Variants in TOX observed in about 807,000 individuals in gnomAD.
TOX encodes the protein thymocyte selection associated high mobility group box, also known as thymocyte selection-associated high mobility group box protein TOX.
A neutral mutation model predicts 53.7 loss-of-function variants in TOX; 11 were observed. That is an observed-to-expected ratio of 0.20 (90% CI 0.13 to 0.34). TOX has a LOEUF of 0.34. Among genes scored for constraint, TOX ranks in the 10% least tolerant of loss-of-function variants. The probability of loss-of-function intolerance (pLI) is 1.00; values close to 1 mark genes in which losing one functional copy is unlikely to be tolerated. For missense variants in TOX, 570 were observed against 664.6 expected (o/e 0.86, Z 1.56); for synonymous variants, 225 against 245.3 (o/e 0.92, Z 0.77).
chr8:58,837,418 C>T (rs1047881762), intron 5 of TOX, among the ~76,000 whole-genome samples: 1 of 152,184 alleles, frequency 6.6e-6, no homozygotes, highest in African/African-American at 2.4e-5. Flanking sequence ...TCTCACTGAA[C>T]CCTCACTCTG....
intron 6 of TOX, among the ~76,000 whole-genome samples, chr8:58,821,635 C>T (rs1290310936): frequency 2.0e-5 from 3 of 152,008 alleles, no homozygotes; most frequent in Middle Eastern, 3.2e-3. Flanking sequence ...AACCACCGTG[C>T]CACTCTTTGA....
At chr8:59,088,647 C>T (rs1804554687) in intron 1 of TOX, among the ~76,000 whole-genome samples, 1 of 152,146 alleles carries the variant, frequency 6.6e-6, no homozygotes, top group South Asian at 2.1e-4. Flanking sequence ...AGGCTTTGGA[C>T]AGAATTTTAA....
At chr8:58,808,375 T>C (rs1355613561) in intron 7 of TOX, 106 bp from the exon 8 acceptor site, 59 of 1,409,142 alleles carry the variant, frequency 4.2e-5, no homozygotes, top group East Asian at 1.3e-4. Flanking sequence ...CTCTTGCTTC[T>C]GTCTCTGCAA....
At chr8:58,831,136 G>C (rs1052710093) in intron 5 of TOX, among the ~76,000 whole-genome samples, 1 of 152,148 alleles carries the variant, frequency 6.6e-6, no homozygotes, top group African/African-American at 2.4e-5. Context: ...TTCCTTTTGA[G>C]GACTGTCTGA....
At chr8:58,890,924 G>T (rs1811549075) in intron 3 of TOX, among the ~76,000 whole-genome samples, 1 of 152,108 alleles carries the variant, frequency 6.6e-6, no homozygotes, top group Non-Finnish European at 1.5e-5. Flanking sequence ...TGGGGCCAGT[G>T]AGATGTCATA....
chr8:58,959,126 A>G (rs868728788), intron 2 of TOX, among the ~76,000 whole-genome samples: 1 of 152,180 alleles, frequency 6.6e-6, no homozygotes, highest in Non-Finnish European at 1.5e-5. Context: ...GTTTGTGTCA[A>G]CAAAATGCCC....
intron 1 of TOX, among the ~76,000 whole-genome samples, chr8:59,065,642 T>C (rs562104142): frequency 6.6e-6 from 1 of 152,290 alleles, no homozygotes; most frequent in African/African-American, 2.4e-5. Context: ...AGAAGAACTC[T>C]TCTGGAACTC....
intron 3 of TOX, among the ~76,000 whole-genome samples, chr8:58,862,508 C>T (rs981498052): frequency 6.6e-6 from 1 of 152,020 alleles, no homozygotes; most frequent in African/African-American, 2.4e-5. Context: ...TTCTTTAAAA[C>T]AACAGCCAAT....
At chr8:58,880,158 C>G (rs748554643) in intron 3 of TOX, among the ~76,000 whole-genome samples, 2 of 152,082 alleles carry the variant, frequency 1.3e-5, no homozygotes, top group Non-Finnish European at 2.9e-5. Context: ...ATACAAGAAG[C>G]CTTGAGGGTG....
chr8:58,989,126 C>T (rs528688985), intron 1 of TOX, among the ~76,000 whole-genome samples: 12 of 152,138 alleles, frequency 7.9e-5, no homozygotes, highest in Middle Eastern at 3.4e-3. Flanking sequence ...ACCAGCCTGG[C>T]GAACATGGCA....
intron 1 of TOX, among the ~76,000 whole-genome samples, chr8:59,012,371 C>G (rs1251311447): frequency 6.6e-6 from 1 of 151,804 alleles, no homozygotes; most frequent in Non-Finnish European, 1.5e-5. Context: ...TGGGGAGCAA[C>G]TCAACCAGAG....
At chr8:58,943,092 C>A (rs1019643867) in intron 2 of TOX, among the ~76,000 whole-genome samples, 4 of 152,176 alleles carry the variant, frequency 2.6e-5, no homozygotes, top group Admixed American at 1.3e-4. Flanking sequence ...CAATATAATT[C>A]CTCTCTGACT....
intron 3 of TOX, among the ~76,000 whole-genome samples, chr8:58,857,412 G>GGT (rs1810933793): frequency 6.6e-6 from 1 of 152,072 alleles, no homozygotes; most frequent in Non-Finnish European, 1.5e-5. Context: ...TTTGAAAATG[G>GGT]GTGCTAGGTT....
At chr8:58,977,413 C>G (rs1171256914) in intron 1 of TOX, among the ~76,000 whole-genome samples, 1 of 152,172 alleles carries the variant, frequency 6.6e-6, no homozygotes, top group African/African-American at 2.4e-5. Flanking sequence ...GATCTTCTAT[C>G]CAGATCACCA....
At chr8:58,891,742 G>A (rs1188464403) in intron 3 of TOX, among the ~76,000 whole-genome samples, 2 of 152,208 alleles carry the variant, frequency 1.3e-5, no homozygotes, top group African/African-American at 4.8e-5. Context: ...AGACTGGAGT[G>A]CTTGAATCTG....
chr8:58,843,421 C>T (rs934450081), intron 4 of TOX, among the ~76,000 whole-genome samples: 1 of 152,078 alleles, frequency 6.6e-6, no homozygotes, highest in Non-Finnish European at 1.5e-5. Context: ...AAGACAATGC[C>T]CTGACTTCCA....
intron 1 of TOX, among the ~76,000 whole-genome samples, chr8:59,068,502 C>T (rs942575170): frequency 1.3e-5 from 2 of 149,530 alleles, no homozygotes; most frequent in Non-Finnish European, 3.0e-5. Flanking sequence ...CAGAATAAGG[C>T]GGAAAAAAGT....
intron 3 of TOX, among the ~76,000 whole-genome samples, chr8:58,908,176 T>C (rs1456117750): frequency 1.3e-5 from 2 of 152,154 alleles, no homozygotes; most frequent in Non-Finnish European, 2.9e-5. Flanking sequence ...ATCAAATCAA[T>C]TGTGATTTGT....
intron 3 of TOX, among the ~76,000 whole-genome samples, chr8:58,885,689 A>G (rs1173922879): frequency 6.6e-6 from 1 of 152,162 alleles, no homozygotes; most frequent in Non-Finnish European, 1.5e-5. Context: ...ACATAAGTCC[A>G]TGGTGGACAA....
Sources: gnomAD v4.1 joint callset for allele counts (sites outside exome capture counted in the v4.1 genomes callset) on GRCh38, gnomAD v4.1.1 for gene constraint, MANE v1.5 for transcripts, NCBI Gene and HGNC (gene_info 2026-07-23, HGNC 2026-07-21) for gene names.